RAB40C: variants seen among roughly 807,000 people sequenced by gnomAD.
The protein encoded by RAB40C is ras-related protein Rab-40C.
A neutral mutation model predicts 28.1 loss-of-function variants in RAB40C; 8 were observed. The observed-to-expected ratio is 0.28, with a 90% confidence interval of 0.17 to 0.51. The LOEUF (loss-of-function observed/expected upper bound fraction) is 0.51. Ranked by LOEUF, RAB40C falls within the 20% of genes least tolerant of loss-of-function variation. The pLI is 0.97. For synonymous variants in RAB40C, 201 were observed against 171.7 expected, an observed-to-expected ratio of 1.17 and a Z score of -1.34; for missense variants, 288 against 405.9, an observed-to-expected ratio of 0.71 and a Z score of 2.50.
chr16:595,812 A>G (rs2036107919), intron 1 of RAB40C, among the ~76,000 whole-genome samples: 1 of 152,126 alleles, frequency 6.6e-6, no homozygotes, highest in Non-Finnish European at 1.5e-5. Context: ...TGTGTTGGCC[A>G]GGCTGGTCTT....
Position 627,367 on chromosome 16 carries a change from C to T in RAB40C, c.591C>T (p.Cys197=). The T allele has an allele frequency of 6.2e-7, 1 of 1,613,526 alleles. No individual in the cohort carries two copies. The highest frequency in any genetic ancestry group is 8.5e-7 in the Non-Finnish European group (1 of 1,179,884). ...NRVFSLQDLC[C]RAIVSCTPVH... ...TGTTCAGCCTGCAGGACCTCTGCTGCCGGGCCATCGTCTCCTGCACCCCCG... is the reference window on the plus strand; with the variant it reads ...TGTTCAGCCTGCAGGACCTCTGCTGTCGGGCCATCGTCTCCTGCACCCCCG... The change falls in exon 6 of 6, where the codon TGC becomes TGT. Residue 197 remains cysteine, a synonymous_variant. Coordinates refer to ENST00000248139, the MANE Select transcript of RAB40C (RefSeq NM_021168.5).
At chr16:591,426 G>T (rs2035994938) in intron 1 of RAB40C, among the ~76,000 whole-genome samples, 1 of 152,148 alleles carries the variant, frequency 6.6e-6, no homozygotes, top group South Asian at 2.1e-4. Context: ...CTGCTGGGCT[G>T]CTCTTGGGAC....
intron 3 of RAB40C, among the ~76,000 whole-genome samples, chr16:622,077 T>C (rs560269213): frequency 1.3e-5 from 2 of 152,312 alleles, no homozygotes; most frequent in East Asian, 3.9e-4. Flanking sequence ...GGCATGTGTT[T>C]GTCAAAATTC....
chr16:599,346 G>A (rs554944661), intron 1 of RAB40C, among the ~76,000 whole-genome samples: 1 of 152,372 alleles, frequency 6.6e-6, no homozygotes, highest in Non-Finnish European at 1.5e-5. Flanking sequence ...AGCCCTAGTG[G>A]CTGCCCGCAG....
chr16:591,151 G>A (rs2035987522), intron 1 of RAB40C, among the ~76,000 whole-genome samples: 4 of 149,404 alleles, frequency 2.7e-5, no homozygotes, highest in Admixed American at 6.7e-5. Context: ...GGGGAAAGGT[G>A]TCATGGGTCT....
chr16:624,969 G>A (rs2036796512), intron 3 of RAB40C: 1 of 1,289,194 alleles, frequency 7.8e-7, no homozygotes, highest in Non-Finnish European at 1.0e-6. Context: ...CACAGAAACT[G>A]TCCTGGAGGG....
rs11548187 is a variant in RAB40C, at chr16:627,599, C to T, written c.823C>T (p.Arg275Trp). ...PPQSPPQNCS[R>W]SNCKIS ...CCAGAGCCCCCCCCAGAACTGCTCG[C>T]GGAGTAACTGCAAGATCTCCTAGCG... The change falls in exon 6 of 6, where the codon CGG becomes TGG. Residue 275 changes from arginine to tryptophan, a missense_variant. Arg to Trp is a moderately radical substitution (Grantham distance 101, BLOSUM62 -3). This residue lies in a region of RAB40C where 57 missense variants were observed against 55.3 expected (regional missense o/e 1.03). Transcript: ENST00000248139. 5.6e-6 allele frequency: 9 copies of T among 1,595,214 alleles called. No individual in the cohort carries two copies. The highest frequency in any genetic ancestry group is 2.2e-5 in the East Asian group (1 of 44,592).
intron 1 of RAB40C, among the ~76,000 whole-genome samples, chr16:598,663 G>C (rs2036185047): frequency 6.6e-6 from 1 of 151,944 alleles, no homozygotes; most frequent in African/African-American, 2.4e-5. Flanking sequence ...ACTCACTGGA[G>C]CCTGGGAGGT....
intron 2 of RAB40C, 60 bp downstream of exon 2, chr16:617,328 C>T: frequency 6.3e-7 from 1 of 1,589,078 alleles, no homozygotes. Flanking sequence ...GAAGGGAGAA[C>T]AGAACCCTTA....
chr16:606,607 G>A (rs2036364525), intron 1 of RAB40C, among the ~76,000 whole-genome samples: 4 of 152,360 alleles, frequency 2.6e-5, no homozygotes, highest in Admixed American at 6.5e-5. Context: ...TCTCTTGCTC[G>A]TTGGGAGGTT....
intron 1 of RAB40C, among the ~76,000 whole-genome samples, chr16:602,142 G>T (rs976203065): frequency 2.0e-5 from 3 of 151,580 alleles, no homozygotes; most frequent in Non-Finnish European, 4.4e-5. Flanking sequence ...TACTGATTTG[G>T]AGGCACATTT....
intron 1 of RAB40C, among the ~76,000 whole-genome samples, chr16:615,324 T>C (rs1220827397): frequency 6.6e-6 from 1 of 152,204 alleles, no homozygotes; most frequent in African/African-American, 2.4e-5. Context: ...AGAGACCGCA[T>C]GGCTGGCTTG....
intron 1 of RAB40C, among the ~76,000 whole-genome samples, chr16:609,004 A>G (rs1282137872): frequency 1.3e-5 from 2 of 152,112 alleles, no homozygotes; most frequent in Non-Finnish European, 2.9e-5. Flanking sequence ...AGTCCCAGCT[A>G]CTCAGGAGGC....
chr16:598,295 G>A (rs1425566108), intron 1 of RAB40C, among the ~76,000 whole-genome samples: 3 of 151,366 alleles, frequency 2.0e-5, no homozygotes, highest in South Asian at 2.1e-4. Flanking sequence ...CGAGAATGGC[G>A]TGAATCCAGG....
intron 1 of RAB40C, among the ~76,000 whole-genome samples, chr16:606,920 A>G (rs1321173305): frequency 6.6e-6 from 1 of 152,088 alleles, no homozygotes; most frequent in Non-Finnish European, 1.5e-5. Flanking sequence ...GTCCCATGCT[A>G]GCAACTCAGC....
At chr16:593,401 T>G (rs1225505594) in intron 1 of RAB40C, among the ~76,000 whole-genome samples, 1 of 152,250 alleles carries the variant, frequency 6.6e-6, no homozygotes, top group Non-Finnish European at 1.5e-5. Context: ...TAACCTCCAT[T>G]GCTTTCTCTC....
At chr16:613,291 T>G (rs1457844748) in intron 1 of RAB40C, among the ~76,000 whole-genome samples, 4 of 133,618 alleles carry the variant, frequency 3.0e-5, no homozygotes, top group South Asian at 2.5e-4. Context: ...CAGCTGCCCT[T>G]GCTTGTAGAA....
chr16:620,548 G>T (rs1044213470), intron 3 of RAB40C, among the ~76,000 whole-genome samples: 1 of 152,148 alleles, frequency 6.6e-6, no homozygotes, highest in Non-Finnish European at 1.5e-5. Flanking sequence ...GACAATAAAG[G>T]GTTGTTGGGG....
At chr16:613,092 C>T in intron 1 of RAB40C, among the ~76,000 whole-genome samples, 2 of 113,968 alleles carry the variant, frequency 1.8e-5, no homozygotes, top group African/African-American at 3.5e-5. Context: ...CCGCCCTGGC[C>T]TGTAGAATCA....
Sources: gnomAD v4.1 joint callset for allele counts (sites outside exome capture counted in the v4.1 genomes callset) on GRCh38, gnomAD v4.1.1 for gene constraint, gnomAD v4.1.1 regional missense constraint, MANE v1.5 for transcripts, NCBI Gene and HGNC (gene_info 2026-07-23, HGNC 2026-07-21) for gene names.